Variants in BIRC6 observed in about 807,000 individuals in gnomAD.
The protein encoded by BIRC6 is dual E2 ubiquitin-conjugating enzyme/E3 ubiquitin-protein ligase BIRC6.
A neutral mutation model predicts 503.3 loss-of-function variants in BIRC6; 98 were observed. The ratio of observed to expected loss-of-function variants is 0.19; its 90% confidence interval spans 0.17 to 0.23. The LOEUF is 0.23. BIRC6 is among the 10% of genes least tolerant of loss of function. The probability of loss-of-function intolerance (pLI) is 1.00; values close to 1 mark genes in which losing one functional copy is unlikely to be tolerated. For missense variants in BIRC6, 5,360 were observed against 5,806.0 expected, an observed-to-expected ratio of 0.92 and a Z score of 2.50; for synonymous variants, 2,240 against 2,078.7, an observed-to-expected ratio of 1.08 and a Z score of -2.11.
intron 31 of BIRC6, among the ~76,000 whole-genome samples, chr2:32,470,626 A>G (rs1466311370): frequency 6.6e-6 from 1 of 152,120 alleles, no homozygotes; most frequent in Non-Finnish European, 1.5e-5. Context: ...GTTTGAACAC[A>G]CTTTTTTATA....
intron 1 of BIRC6, among the ~76,000 whole-genome samples, chr2:32,359,559 C>T (rs922753563): frequency 3.3e-5 from 5 of 151,848 alleles, no homozygotes; most frequent in African/African-American, 1.2e-4. Context: ...TAGAAGAGTT[C>T]GGGATTGGAT....
rs775270901 is a variant in BIRC6, at chr2:32,518,278, TCTC to T, written c.11378_11380del (p.Pro3793del). On this transcript the variant is annotated inframe_deletion, in exon 56 of 74. Coordinates refer to ENST00000421745, the MANE Select transcript of BIRC6 (RefSeq NM_016252.4). The stretch of plus-strand genomic sequence containing the variant: ...GGTTCTTTGTGAACTATTTCAGACA[TCTC>T]CTCAAAGAGGGAACCTTCCAACATC... 196 of 1,613,088 alleles carry T rather than the reference TCTC, an allele frequency of 1.2e-4. No individual in the cohort carries two copies. The highest frequency in any genetic ancestry group is 1.6e-4 in the Middle Eastern group (1 of 6,078).
At chr2:32,482,329 T>C in intron 38 of BIRC6, 100 bp from the exon 39 acceptor site, 1 of 1,147,370 alleles carries the variant, frequency 8.7e-7, no homozygotes. Context: ...GTGGATAGAA[T>C]ATTTATTTTG....
In BIRC6 at chr2:32,416,031, A is replaced by G. The variant is rs1380165654; in HGVS notation, c.2740A>G (p.Ile914Val). 1.2e-6 allele frequency: 2 copies of G among 1,613,872 alleles called. No homozygotes were observed. The highest frequency in any genetic ancestry group is 1.3e-5 in the African/African-American group (1 of 74,918). The change falls in exon 10 of 74, where the codon ATA becomes GTA. Residue 914 changes from isoleucine to valine, a missense_variant. Physicochemically the swap from Ile to Val is conservative, Grantham distance 29. This residue lies in a region of BIRC6 where 700 missense variants were observed against 739.3 expected (regional missense o/e 0.95). Transcript: ENST00000421745. ...VITTQGGYVK[I>V]LDLSNFEILA... ...AACCACTCAGGGAGGATATGTAAAA[A>G]TACTAGATCTTTCAAACTTTGAAAT...
Position 32,414,880 on chromosome 2 carries a change from A to T in BIRC6, c.1589A>T (p.Asp530Val). The change falls in exon 10 of 74, where the codon GAT becomes GTT. Residue 530 changes from aspartate to valine, a missense_variant. By Grantham distance (152) the Asp-to-Val change is radical. Around this residue, in one of 16 missense-constraint regions of BIRC6, gnomAD observed 700 missense variants for 739.3 expected, o/e 0.95. Transcript: ENST00000421745. ...QWEIVANVLE[D>V]TVKDLEELGA... ...GAGATTGTTGCAAATGTGCTTGAAG[A>T]TACTGTTAAGGATCTTGAAGAACTT... 2 of 1,614,006 alleles carry T rather than the reference A, an allele frequency of 1.2e-6. No homozygotes were observed. The highest frequency in any genetic ancestry group is 2.2e-5 in the East Asian group (1 of 44,876).
rs36065012 is a variant in BIRC6, at chr2:32,433,719, C to T, written c.3324C>T (p.Phe1108=). The T allele has an allele frequency of 9.1e-3, 14,637 of 1,604,496 alleles. 77 individuals carry two copies. The highest frequency in any genetic ancestry group is 0.011 in the Non-Finnish European group (12,771 of 1,173,164). The change falls in exon 13 of 74, where the codon TTC becomes TTT. Residue 1108 remains phenylalanine (F), a synonymous_variant. Coordinates refer to ENST00000421745, the MANE Select transcript of BIRC6 (RefSeq NM_016252.4). The part of the protein sequence containing the change: ...ACMVGHVDFK[F]VLNSNITNIP... ...TGGTTGGACATGTGGACTTCAAATTCGTTTTGAACTCAAACATCACCAATA... is the reference window on the plus strand; with the variant it reads ...TGGTTGGACATGTGGACTTCAAATTTGTTTTGAACTCAAACATCACCAATA...
rs115085580 is a variant in BIRC6 at position 32,533,504 on chromosome 2, G to A, written c.12291+1953G>A. Reference sequence around the variant, plus strand: ...AAATTACCTATCCAGATCACAGAAGGTGCTAAAATTTAGATATTTGCTATC... The same window carrying A: ...AAATTACCTATCCAGATCACAGAAGATGCTAAAATTTAGATATTTGCTATC... On this transcript the variant is annotated intron_variant, in intron 61 of 73. Transcript: ENST00000421745. Among the ~76,000 whole-genome samples the A allele has an allele frequency of 1.8e-3, 275 of 152,306 alleles. 2 individuals are homozygous for A. The highest frequency in any genetic ancestry group is 6.4e-3 in the African/African-American group (267 of 41,568).
intron 33 of BIRC6, 53 bp downstream of exon 33, chr2:32,473,292 G>A: frequency 7.1e-7 from 1 of 1,416,898 alleles, no homozygotes; most frequent in Non-Finnish European, 9.5e-7. Context: ...TTGTTTTGGA[G>A]TTTGCATGAG....
At position 32,502,889 on chromosome 2, in the gene BIRC6, T is replaced by C; in HGVS notation, c.9302T>C (p.Met3101Thr). 6.3e-7 allele frequency: 1 copy of C among 1,599,598 alleles called. No individual in the cohort carries two copies. ...GATGCCTTGAAAGCATTTCATGATA[T>C]GGGTAAGATAATATTTCAATAACTA... ...TSDALKAFHD[M>T]GGVQLICNNM... Residue 3101 changes from methionine (M) to threonine (T), a missense_variant and splice_region_variant, in exon 48 of 74, where the codon ATG becomes ACG. Transcript: ENST00000421745.
chr2:32,602,656 T>C (rs895355509), intron 70 of BIRC6: 8 of 197,268 alleles, frequency 4.1e-5, no homozygotes, highest in Non-Finnish European at 6.1e-5. Flanking sequence ...TTACACATTG[T>C]ATACACATAT....
Position 32,357,190 on chromosome 2 carries a change from C to G in BIRC6, c.29C>G (p.Pro10Arg). 6.5e-7 allele frequency: 1 copy of G among 1,539,838 alleles called. No homozygotes were observed. Among genetic ancestry groups the G allele is most frequent in the East Asian group, 2.6e-5 (1 of 38,708 alleles). ...GTGACTGGTGGTGGTGCTGCACCTC[C>G]CGGGACTGTCACTGAGCCGCTTCCC... Reference protein sequence around the residue: MVTGGGAAPPGTVTEPLPSV... With the variant: MVTGGGAAPRGTVTEPLPSV... The change falls in exon 1 of 74, where the codon CCC (proline) becomes CGC (arginine). Residue 10 changes from proline (P) to arginine (R), a missense_variant. Coordinates refer to ENST00000421745, the MANE Select transcript of BIRC6 (RefSeq NM_016252.4). The surrounding 1 kb of genome is among the most constrained non-coding windows in gnomAD (Gnocchi z 4.9).
chr2:32,378,481 A>G (rs948702655), intron 2 of BIRC6, among the ~76,000 whole-genome samples: 23 of 150,928 alleles, frequency 1.5e-4, no homozygotes, highest in African/African-American at 5.6e-4. Context: ...TCTTTGAGTC[A>G]GAGTCTTGCT....
chr2:32,400,533 T>G (rs1405693107), intron 6 of BIRC6, among the ~76,000 whole-genome samples: 2 of 151,986 alleles, frequency 1.3e-5, no homozygotes, highest in Non-Finnish European at 2.9e-5. Context: ...GAGACGGGGT[T>G]TCACCGTGTT....
chr2:32,410,562 T>A (rs2041747613), intron 9 of BIRC6, among the ~76,000 whole-genome samples: 1 of 152,174 alleles, frequency 6.6e-6, no homozygotes, highest in Non-Finnish European at 1.5e-5. Flanking sequence ...CATCCCCAGA[T>A]TATGGGAAAT....
intron 65 of BIRC6, among the ~76,000 whole-genome samples, chr2:32,551,927 C>T (rs140631013): frequency 1.3e-5 from 2 of 152,192 alleles, no homozygotes; most frequent in African/African-American, 4.8e-5. Context: ...ATAATTTTGC[C>T]TGAGACATTG....
At chr2:32,402,949 C>T (rs1451297283) in intron 8 of BIRC6, among the ~76,000 whole-genome samples, 1 of 152,120 alleles carries the variant, frequency 6.6e-6, no homozygotes, top group Non-Finnish European at 1.5e-5. Flanking sequence ...TTTAGATAAA[C>T]ATGTATTCTG....
intron 21 of BIRC6, 144 bp downstream of exon 21, chr2:32,445,812 G>A (rs761357591): frequency 9.4e-6 from 5 of 532,086 alleles, no homozygotes; most frequent in African/African-American, 4.0e-5. Flanking sequence ...TTTTCCATAC[G>A]ATAATAGCCT....
chr2:32,465,050 T>TC lies in BIRC6; in HGVS notation c.5257-15_5257-14insC, dbSNP rs1342556437. The TC allele has an allele frequency of 1.3e-6, 2 of 1,506,964 alleles. No homozygotes were observed. The highest frequency in any genetic ancestry group is 2.8e-5 in the African/African-American group (2 of 70,978). 93.3% of individuals were successfully genotyped at this position (1,506,964 alleles called of 1,614,324 possible). ...ATCAATATAAAGTTAGATTTTTTTT[T>TC]TTTCCCTGCTCTAGAATCCACTTGG... On this transcript the variant is annotated splice_polypyrimidine_tract_variant and intron_variant, in intron 25 of 73. Coordinates refer to ENST00000421745, the MANE Select transcript of BIRC6 (RefSeq NM_016252.4).
Position 32,357,068 on chromosome 2 carries a change from T to G in BIRC6, c.-94T>G. On this transcript the variant is annotated 5_prime_UTR_variant, in exon 1 of 74. Coordinates refer to ENST00000421745, the MANE Select transcript of BIRC6 (RefSeq NM_016252.4). The surrounding 1 kb of genome is among the most constrained non-coding windows in gnomAD (Gnocchi z 4.9). The stretch of plus-strand genomic sequence containing the variant: ...CTCTCCCGTCAGCCTCCCTCCGAGT[T>G]TGGCCCCTCCGGCCGGGCGATCGAC... 4.4e-6 allele frequency: 5 copies of G among 1,129,090 alleles called. No homozygotes were observed. The highest frequency in any genetic ancestry group is 4.8e-6 in the Non-Finnish European group (4 of 840,390). The allele number at this position is 1,129,090 out of a possible 1,614,324, so 69.9% of individuals were successfully genotyped here.
Sources: gnomAD v4.1 joint callset for allele counts (sites outside exome capture counted in the v4.1 genomes callset) on GRCh38, gnomAD v4.1.1 for gene constraint, gnomAD v4.1.1 regional missense constraint, Gnocchi (gnomAD v3.1) non-coding constraint, MANE v1.5 for transcripts, NCBI Gene and HGNC (gene_info 2026-07-23, HGNC 2026-07-21) for gene names.